Variants in ADAMTS8 observed in about 807,000 individuals in gnomAD.
The protein encoded by ADAMTS8 is ADAM metallopeptidase with thrombospondin type 1 motif 8, also known as A disintegrin and metalloproteinase with thrombospondin motifs 8.
Under a neutral mutation model 64.4 loss-of-function variants are expected in ADAMTS8, and 50 were observed. The ratio of observed to expected loss-of-function variants is 0.78; its 90% confidence interval spans 0.62 to 0.98. ADAMTS8 has a LOEUF of 0.98. Ranked by LOEUF, ADAMTS8 falls within the 50% of genes least tolerant of loss-of-function variation. ADAMTS8 has a pLI of 0.00. For synonymous variants in ADAMTS8, 556 were observed against 533.6 expected (o/e 1.04, Z -0.58); for missense variants, 1,192 against 1,208.2 (o/e 0.99, Z 0.20).
intron 6 of ADAMTS8, among the ~76,000 whole-genome samples, chr11:130,410,107 C>G (rs1475279624): frequency 6.6e-6 from 1 of 152,194 alleles, no homozygotes; most frequent in Non-Finnish European, 1.5e-5. Context: ...CCTCACACCT[C>G]ACCCATCTCA....
In ADAMTS8 at chr11:130,427,582, G is replaced by T; in HGVS notation, c.705C>A (p.Tyr235Ter). 2 of 1,538,842 alleles carry T rather than the reference G, an allele frequency of 1.3e-6. No homozygotes were observed. Among genetic ancestry groups the T allele is most frequent in the South Asian group, 2.4e-5 (2 of 83,992 alleles). ...LVADASMAAF[Y>*]GADLQNHILT... The stretch of plus-strand genomic sequence containing the variant: ...TCAGTCCTACCTGCAGGTCGGCCCC[G>T]TAGAAGGCAGCCATGGACGCATCGG... Residue 235 changes from tyrosine to a stop codon, truncating the protein, a stop_gained, in exon 1 of 9, where the codon TAC becomes TAA. Transcript: ENST00000257359. LOFTEE classifies it high-confidence loss of function.
chr11:130,419,415 A>T, intron 1 of ADAMTS8, 123 bp from the exon 2 acceptor site: 1 of 1,373,678 alleles, frequency 7.3e-7, no homozygotes, highest in Non-Finnish European at 1.0e-6. Context: ...CCAAAGCCTC[A>T]CAATACCCCC....
chr11:130,420,903 C>T (rs1592133863), intron 1 of ADAMTS8, among the ~76,000 whole-genome samples: 1 of 152,244 alleles, frequency 6.6e-6, no homozygotes, highest in Non-Finnish European at 1.5e-5. Context: ...CCGAGATGAA[C>T]TCCTGGCCGG....
intron 1 of ADAMTS8, among the ~76,000 whole-genome samples, chr11:130,422,768 G>A (rs1178115733): frequency 6.6e-6 from 1 of 152,238 alleles, no homozygotes; most frequent in Non-Finnish European, 1.5e-5. Flanking sequence ...ATGGGCAACT[G>A]AAAGAGAAGG....
In ADAMTS8 at chr11:130,414,782, G is replaced by T. The variant is rs759627412; in HGVS notation, c.1315C>A (p.Leu439Ile). The stretch of plus-strand genomic sequence containing the variant: ...TGGTACAGGGCCATGCGGCCCGGGA[G>T]GCCTGTGGGGAGGGGCAGGGCCGCA... ...PAAALPLPTG[L>I]PGRMALYQLD... The change falls in exon 5 of 9, where the codon CTC (leucine) becomes ATC (isoleucine). Residue 439 changes from leucine to isoleucine, a missense_variant. This residue lies in a region of ADAMTS8 where 741 missense variants were observed against 710.6 expected (regional missense o/e 1.04). Coordinates refer to ENST00000257359, the MANE Select transcript of ADAMTS8 (RefSeq NM_007037.6). 5.6e-6 allele frequency: 9 copies of T among 1,612,868 alleles called. No homozygotes were observed. The highest frequency in any genetic ancestry group is 7.6e-6 in the Non-Finnish European group (9 of 1,179,788).
rs757770746 is a variant in ADAMTS8 at position 130,417,079 on chromosome 11, C to T, written c.961-4G>A. 8.1e-6 allele frequency: 13 copies of T among 1,613,536 alleles called. No homozygotes were observed. Among genetic ancestry groups the T allele is most frequent in the African/African-American group, 4.0e-5 (3 of 74,866 alleles). On this transcript the variant is annotated splice_polypyrimidine_tract_variant and splice_region_variant and intron_variant, in intron 2 of 8. Transcript: ENST00000257359. ...GCCCCTCCTGCCCACAGAAGTTCTG[C>T]GTGGCGGGGAGAGAGCAAGAGAGTG...
At chr11:130,414,854 G>A (rs1408770746) in intron 4 of ADAMTS8, 22 bp from the exon 5 acceptor site, 4 of 1,585,476 alleles carry the variant, frequency 2.5e-6, no homozygotes, top group East Asian at 2.3e-5. Flanking sequence ...GGAAGCAGGG[G>A]TGTAAGAACA....
chr11:130,414,122 C>CTTT (rs143297278), intron 5 of ADAMTS8, among the ~76,000 whole-genome samples: 3 of 129,780 alleles, frequency 2.3e-5, no homozygotes, highest in African/African-American at 2.9e-5. Flanking sequence ...AGTTTCTTTT[C>CTTT]TTTTTTTTTT....
At chr11:130,425,768 T>A (rs1350684292) in intron 1 of ADAMTS8, among the ~76,000 whole-genome samples, 1 of 151,764 alleles carries the variant, frequency 6.6e-6, no homozygotes, top group Non-Finnish European at 1.5e-5. Flanking sequence ...GCCTGGCTAT[T>A]TTTTTTGTAT....
Position 130,416,210 on chromosome 11 carries a change from G to A in ADAMTS8, c.1217C>T (p.Ser406Phe), listed in dbSNP as rs201994258. 3.8e-6 allele frequency: 6 copies of A among 1,597,498 alleles called. No homozygotes were observed. Among genetic ancestry groups the A allele is most frequent in the African/African-American group, 1.3e-5 (1 of 74,774 alleles). Reference sequence around the variant, plus strand: ...TGTGAGATACATGGCGCTGCAGGGGGACCAGGGCAGCGTCTGGTTCAGGTG... The same window carrying A: ...TGTGAGATACATGGCGCTGCAGGGGAACCAGGGCAGCGTCTGGTTCAGGTG... ...FVHLNQTLPWSPCSAMYLTEL... is the reference protein window; with the variant it reads ...FVHLNQTLPWFPCSAMYLTEL... Residue 406 changes from serine (S) to phenylalanine (F), a missense_variant, in exon 4 of 9, where the codon TCC (serine) becomes TTC (phenylalanine). Coordinates refer to ENST00000257359, the MANE Select transcript of ADAMTS8 (RefSeq NM_007037.6). The surrounding 1 kb of genome is among the most constrained non-coding windows in gnomAD (Gnocchi z 4.8).
rs780504969 is a variant in ADAMTS8 at position 130,417,086 on chromosome 11, G to A, written c.961-11C>T. The A allele has an allele frequency of 6.2e-7, 1 of 1,613,642 alleles. No homozygotes were observed. Among genetic ancestry groups the A allele is most frequent in the Non-Finnish European group, 8.5e-7 (1 of 1,179,934 alleles). ...CTGCCCACAGAAGTTCTGCGTGGCGGGGAGAGAGCAAGAGAGTGCATCAGT... is the reference window on the plus strand; with the variant it reads ...CTGCCCACAGAAGTTCTGCGTGGCGAGGAGAGAGCAAGAGAGTGCATCAGT... On this transcript the variant is annotated splice_polypyrimidine_tract_variant and intron_variant, in intron 2 of 8. Coordinates refer to ENST00000257359, the MANE Select transcript of ADAMTS8 (RefSeq NM_007037.6).
In ADAMTS8 at chr11:130,413,414, CG is replaced by C. The variant is rs1208551873; in HGVS notation, c.1566+1116del. 3.9e-5 allele frequency among the ~76,000 whole-genome samples: 6 copies of C among 152,176 alleles called. No homozygotes were observed. In the South Asian group the frequency reaches 1.2e-3, roughly 32 times the overall value. On this transcript the variant is annotated intron_variant, in intron 5 of 8. Transcript: ENST00000257359. Reference sequence around the variant, plus strand: ...GAGTACAGAGCTTACCTGGTGCAGGCGGGCTCCCAAGGCTCAGTGCAAAAGA... The same window carrying C: ...GAGTACAGAGCTTACCTGGTGCAGGCGGCTCCCAAGGCTCAGTGCAAAAGA...
chr11:130,428,318 G>A lies in ADAMTS8; in HGVS notation c.-32C>T. On this transcript the variant is annotated 5_prime_UTR_variant, in exon 1 of 9. Coordinates refer to ENST00000257359, the MANE Select transcript of ADAMTS8 (RefSeq NM_007037.6). ...TGCGGCGGTGGCTGCGCGCAGGAGA[G>A]GGAAGAAGCCCGCCAGGCGCGGGCA... 1.6e-6 allele frequency: 2 copies of A among 1,260,022 alleles called. No individual in the cohort carries two copies. The highest frequency in any genetic ancestry group is 1.9e-5 in the South Asian group (1 of 52,882). 78.1% of individuals were successfully genotyped at this position (1,260,022 alleles called of 1,614,324 possible).
rs1862029861 is a variant in ADAMTS8, at chr11:130,416,704, T to TGTGATAATC, written c.1096+227_1096+235dup. 6.6e-6 allele frequency among the ~76,000 whole-genome samples: 1 copy of TGTGATAATC among 152,162 alleles called. No individual in the cohort carries two copies. The highest frequency in any genetic ancestry group is 1.5e-5 in the Non-Finnish European group (1 of 68,020). Reference sequence around the variant, plus strand: ...GTGTCCTGGCATTTGCCCGGTGACCTGTGATAATCGTGTGGGATGCTGCTT... The same window carrying TGTGATAATC: ...GTGTCCTGGCATTTGCCCGGTGACCTGTGATAATCGTGATAATCGTGTGGGATGCTGCTT... On this transcript the variant is annotated intron_variant, in intron 3 of 8. Transcript: ENST00000257359. The surrounding 1 kb of genome is among the most constrained non-coding windows in gnomAD (Gnocchi z 4.8).
chr11:130,417,172 T>C, intron 2 of ADAMTS8, 97 bp from the exon 3 acceptor site: 2 of 1,519,944 alleles, frequency 1.3e-6, no homozygotes, highest in Non-Finnish European at 1.8e-6. Flanking sequence ...CACGTGGGAG[T>C]GGACCACTGA....
rs201672773 is a variant in ADAMTS8 at position 130,408,802 on chromosome 11, C to T, written c.1889G>A (p.Arg630Gln). 1.8e-4 allele frequency: 288 copies of T among 1,614,030 alleles called. No individual in the cohort carries two copies. Among genetic ancestry groups the T allele is most frequent in the East Asian group, 2.5e-4 (11 of 44,882 alleles). ...GAACACTTTGAACTCGCTCCTCCCCCGGGCTCGGCAGAACAACTTGCAGCG... is the reference window on the plus strand; with the variant it reads ...GAACACTTTGAACTCGCTCCTCCCCTGGGCTCGGCAGAACAACTTGCAGCG... ...RDRCKLFCRA[R>Q]GRSEFKVFEA... is the part of the protein sequence containing the mutation. Residue 630 changes from arginine to glutamine, a missense_variant, in exon 7 of 9, where the codon CGG becomes CAG. Arg to Gln is a conservative substitution (Grantham distance 43). Around this residue, in one of 5 missense-constraint regions of ADAMTS8, gnomAD observed 290 missense variants for 297.8 expected, o/e 0.97. Transcript: ENST00000257359.
intron 2 of ADAMTS8, 50 bp from the exon 3 acceptor site, chr11:130,417,125 G>T: frequency 1.2e-6 from 2 of 1,607,716 alleles, no homozygotes; most frequent in Non-Finnish European, 1.7e-6. Context: ...TGTGTGGGGT[G>T]CGCTGCAGGC....
At position 130,427,855 on chromosome 11, in the gene ADAMTS8, C is replaced by A; in HGVS notation, c.432G>T (p.Leu144=). The change falls in exon 1 of 9, where the codon CTG becomes CTT. Residue 144 remains leucine, a synonymous_variant. Transcript: ENST00000257359. Reference sequence around the variant, plus strand: ...AGCGCTGCAGGCGGTGCGGCTGAGCCAGGGAGCCCCCCGCGCCCTGCGGCT... The same window carrying A: ...AGCGCTGCAGGCGGTGCGGCTGAGCAAGGGAGCCCCCCGCGCCCTGCGGCT... The part of the protein sequence containing the change: ...TIQPQGAGGS[L]AQPHRLQRWG... The A allele has an allele frequency of 6.5e-7, 1 of 1,537,848 alleles. No individual in the cohort carries two copies.
In ADAMTS8 at chr11:130,428,027, G is replaced by A. The variant is rs867789578; in HGVS notation, c.260C>T (p.Ser87Phe). 5.2e-6 allele frequency: 8 copies of A among 1,526,968 alleles called. No individual in the cohort carries two copies. In the South Asian group the frequency reaches 6.0e-5, roughly 11 times the overall value. 94.6% of individuals were successfully genotyped at this position (1,526,968 alleles called of 1,614,324 possible). A position where few individuals can be genotyped will look rare whatever the true frequency, so the allele number is the denominator to read the frequency against. Residue 87 changes from serine to phenylalanine, a missense_variant, in exon 1 of 9, where the codon TCC becomes TTC. Transcript: ENST00000257359. ...PEFKIERLGG[S>F]GRATGGERGL... ...CCGCTCGCCCCCGGTCGCCCGGCCG[G>A]AGCCCCCGAGGCGCTCGATCTTGAA...
Sources: gnomAD v4.1 joint callset for allele counts (sites outside exome capture counted in the v4.1 genomes callset) on GRCh38, gnomAD v4.1.1 for gene constraint, gnomAD v4.1.1 regional missense constraint, Gnocchi (gnomAD v3.1) non-coding constraint, MANE v1.5 for transcripts, NCBI Gene and HGNC (gene_info 2026-07-23, HGNC 2026-07-21) for gene names.